Variants in SSPN observed in about 807,000 individuals in gnomAD.
The protein encoded by SSPN is sarcospan, also known as K-ras oncogene-associated protein.
Under a neutral mutation model 19.1 loss-of-function variants are expected in SSPN, and 15 were observed. The ratio of observed to expected loss-of-function variants is 0.78; its 90% confidence interval spans 0.52 to 1.21. SSPN has a LOEUF of 1.21. Among genes scored for constraint, SSPN ranks in the 50% most tolerant of loss-of-function variants. SSPN has a pLI of 0.00. For synonymous variants in SSPN, 147 were observed against 140.3 expected, an observed-to-expected ratio of 1.05 and a Z score of -0.34; for missense variants, 291 against 314.0, an observed-to-expected ratio of 0.93 and a Z score of 0.55.
upstream of SSPN, among the ~76,000 whole-genome samples, chr12:26,193,221 A>G (rs1436643150): frequency 6.6e-6 from 1 of 152,234 alleles, no homozygotes; most frequent in African/African-American, 2.4e-5. Flanking sequence ...TTGTTTGCCT[A>G]TAGGCAATAT....
chr12:26,157,559 A>C (rs1336665157), intron 1 of SSPN, among the ~76,000 whole-genome samples: 1 of 152,114 alleles, frequency 6.6e-6, no homozygotes, highest in African/African-American at 2.4e-5. Context: ...CAGATGACTA[A>C]ATTTTGCTTC....
At chr12:26,203,578 G>GT (rs1944905092) in intron 1 of SSPN, among the ~76,000 whole-genome samples, 1 of 152,220 alleles carries the variant, frequency 6.6e-6, no homozygotes, top group South Asian at 2.1e-4. Flanking sequence ...CTTGGCAAGA[G>GT]TAACTGTCAG....
intron 1 of SSPN, chr12:26,124,860 T>C: frequency 7.3e-7 from 1 of 1,378,454 alleles, no homozygotes; most frequent in Non-Finnish European, 1.0e-6. Flanking sequence ...TTGGGAGACC[T>C]TGGGGGGATC....
Position 26,158,403 on chromosome 12 carries a change from G to A in SSPN, c.-31+36251G>A, listed in dbSNP as rs530729707. On this transcript the variant is annotated intron_variant, in intron 1 of 2. Transcript: ENST00000538142. Reference sequence around the variant, plus strand: ...CATAATATGTCAGCGTAGGGGCCTAGCCTGCCCAAGTTCTGTAAACAGACT... The same window carrying A: ...CATAATATGTCAGCGTAGGGGCCTAACCTGCCCAAGTTCTGTAAACAGACT... 3.3e-4 allele frequency among the ~76,000 whole-genome samples: 50 copies of A among 152,148 alleles called. No individual in the cohort carries two copies. In the South Asian group the frequency reaches 6.0e-3, roughly 18 times the overall value.
chr12:26,215,086 G>A (rs76761562), intron 1 of SSPN, among the ~76,000 whole-genome samples: 2 of 152,226 alleles, frequency 1.3e-5, no homozygotes, highest in East Asian at 1.9e-4. Flanking sequence ...TTCCTCTGGG[G>A]ATTAAACTGT....
At chr12:26,149,449 A>C (rs1487708745) in intron 1 of SSPN, among the ~76,000 whole-genome samples, 1 of 152,186 alleles carries the variant, frequency 6.6e-6, no homozygotes, top group Admixed American at 6.5e-5. Flanking sequence ...TTGGGGGCAA[A>C]AAATCAGCTT....
chr12:26,135,932 A>T (rs1944422586), intron 1 of SSPN, among the ~76,000 whole-genome samples: 1 of 152,176 alleles, frequency 6.6e-6, no homozygotes, highest in African/African-American at 2.4e-5. Flanking sequence ...CAGACATACC[A>T]AAGGTAATGA....
chr12:26,194,951 A>G (rs758996397), upstream of SSPN, among the ~76,000 whole-genome samples: 2 of 152,180 alleles, frequency 1.3e-5, no homozygotes, highest in Non-Finnish European at 2.9e-5. Flanking sequence ...GATGGTGACA[A>G]TGCACTCCAG....
At chr12:26,178,562 A>G (rs1944699120) in intron 1 of SSPN, among the ~76,000 whole-genome samples, 1 of 152,196 alleles carries the variant, frequency 6.6e-6, no homozygotes, top group African/African-American at 2.4e-5. Flanking sequence ...ATGTGAACAC[A>G]GTAAGAATGA....
At chr12:26,122,372 AGCC>A in intron 1 of SSPN, 2 of 1,179,590 alleles carry the variant, frequency 1.7e-6, no homozygotes, top group Admixed American at 4.4e-5. Context: ...ACGGGGCGGC[AGCC>A]GCCGCCGGGT....
chr12:26,141,936 C>T (rs1944462753), intron 1 of SSPN, among the ~76,000 whole-genome samples: 1 of 152,012 alleles, frequency 6.6e-6, no homozygotes, highest in Non-Finnish European at 1.5e-5. Context: ...TCACAGGCAC[C>T]CATAGGAAAA....
chr12:26,218,270 G>A (rs1431839484), intron 1 of SSPN, among the ~76,000 whole-genome samples: 1 of 106,370 alleles, frequency 9.4e-6, no homozygotes, highest in Non-Finnish European at 1.9e-5. Context: ...TGAACAATGA[G>A]ATCACATGGA....
At chr12:26,122,591 G>A in intron 1 of SSPN, 3 of 1,117,244 alleles carry the variant, frequency 2.7e-6, no homozygotes, top group East Asian at 4.9e-5. Flanking sequence ...CGGCGGCAGG[G>A]TCGGGCCCCA....
chr12:26,193,165 A>G (rs779471302), upstream of SSPN, among the ~76,000 whole-genome samples: 4 of 152,204 alleles, frequency 2.6e-5, no homozygotes, highest in Non-Finnish European at 5.9e-5. Flanking sequence ...TATGCTACCC[A>G]TGATAATTAA....
Position 26,234,741 on chromosome 12 carries a change from T to C in SSPN, c.*3665T>C, listed in dbSNP as rs369140267. The C allele has an allele frequency of 2.0e-5, 3 of 152,346 alleles. No individual in the cohort carries two copies. Among genetic ancestry groups the C allele is most frequent in the African/African-American group, 7.2e-5 (3 of 41,586 alleles). 9.4% of individuals were successfully genotyped at this position (152,346 alleles called of 1,614,324 possible). On this transcript the variant is annotated 3_prime_UTR_variant, in exon 3 of 3. Coordinates refer to ENST00000242729, the MANE Select transcript of SSPN (RefSeq NM_005086.5). ...TTAAAGGGGATATGTGTAATGCAGATTTTCTTTATTAATAAAATTTTCATA... is the reference window on the plus strand; with the variant it reads ...TTAAAGGGGATATGTGTAATGCAGACTTTCTTTATTAATAAAATTTTCATA...
intron 1 of SSPN, among the ~76,000 whole-genome samples, chr12:26,197,687 G>T: frequency 6.6e-6 from 1 of 152,192 alleles, no homozygotes; most frequent in Non-Finnish European, 1.5e-5. Flanking sequence ...TCCTGTGGGA[G>T]ATGATGTTCC....
chr12:26,134,973 CCAGGATTGA>C (rs1944417072), intron 1 of SSPN: 1 of 152,240 alleles, frequency 6.6e-6, no homozygotes, highest in African/African-American at 2.4e-5. Flanking sequence ...TGTCATTGTA[CCAGGATTGA>C]TGTGCTCGGT....
At position 26,232,688 on chromosome 12, in the gene SSPN, G is replaced by A. The variant is rs529528962; in HGVS notation, c.*1612G>A. On this transcript the variant is annotated 3_prime_UTR_variant, in exon 3 of 3. Coordinates refer to ENST00000242729, the MANE Select transcript of SSPN (RefSeq NM_005086.5). ...CCAGTATAAAGGAAAGCGTTAAGTCGGTAAGCTAGAGGATTGTAAATATCT... is the reference window on the plus strand; with the variant it reads ...CCAGTATAAAGGAAAGCGTTAAGTCAGTAAGCTAGAGGATTGTAAATATCT... 11 of 984,914 alleles carry A rather than the reference G, an allele frequency of 1.1e-5. No individual in the cohort carries two copies. Among genetic ancestry groups the A allele is most frequent in the African/African-American group, 1.7e-5 (1 of 57,252 alleles). 61.0% of individuals were successfully genotyped at this position (984,914 alleles called of 1,614,324 possible).
chr12:26,165,955 CA>C, intron 1 of SSPN, among the ~76,000 whole-genome samples: 1 of 152,164 alleles, frequency 6.6e-6, no homozygotes, highest in Admixed American at 6.5e-5. Flanking sequence ...TTCAGATGGC[CA>C]TGACAGAAGG....
Sources: allele counts gnomAD v4.1 joint callset (sites outside exome capture counted in the v4.1 genomes callset), GRCh38; gene constraint gnomAD v4.1.1; transcripts MANE v1.5; gene names NCBI Gene and HGNC (gene_info 2026-07-23, HGNC 2026-07-21).